EIF4G3: variants seen among roughly 807,000 people sequenced by gnomAD.
EIF4G3 encodes eIF-4-gamma 3.
Under a neutral mutation model 186.4 loss-of-function variants are expected in EIF4G3, and 34 were observed. The ratio of observed to expected loss-of-function variants is 0.18; its 90% CI spans 0.14 to 0.24. The LOEUF (loss-of-function observed/expected upper bound fraction) is 0.24, where lower values mean the gene tolerates loss of function less well. EIF4G3 is among the 10% of genes least tolerant of loss of function. The probability of loss-of-function intolerance (pLI) is 1.00; values close to 1 mark genes in which losing one functional copy is unlikely to be tolerated. For missense variants in EIF4G3, 1,536 were observed against 1,948.5 expected, an observed-to-expected ratio of 0.79 and a Z score of 3.99; for synonymous variants, 673 against 679.5, an observed-to-expected ratio of 0.99 and a Z score of 0.15.
At chr1:21,044,192 A>G (rs2093742887) in intron 4 of EIF4G3, among the ~76,000 whole-genome samples, 1 of 152,188 alleles carries the variant, frequency 6.6e-6, no homozygotes, top group Non-Finnish European at 1.5e-5. Flanking sequence ...GGTTTTTTTA[A>G]GTTGATAATA....
chr1:21,160,414 T>C (rs1194389274), intron 2 of EIF4G3, among the ~76,000 whole-genome samples: 1 of 152,198 alleles, frequency 6.6e-6, no homozygotes, highest in Non-Finnish European at 1.5e-5. Flanking sequence ...CATCAGTTGC[T>C]AAAATTGAGA....
chr1:20,894,928 T>C (rs192697788), intron 17 of EIF4G3, among the ~76,000 whole-genome samples: 1 of 152,302 alleles, frequency 6.6e-6, no homozygotes, highest in Admixed American at 6.5e-5. Flanking sequence ...GAGATACATA[T>C]TATTTGAATC....
chr1:21,074,508 A>G (rs1256631761), intron 3 of EIF4G3, among the ~76,000 whole-genome samples: 2 of 152,192 alleles, frequency 1.3e-5, no homozygotes, highest in Admixed American at 1.3e-4. Flanking sequence ...GTCAGTTATC[A>G]TTCATAAATG....
chr1:21,054,541 C>T (rs1331813144), intron 3 of EIF4G3, among the ~76,000 whole-genome samples: 3 of 151,624 alleles, frequency 2.0e-5, no homozygotes, highest in African/African-American at 4.8e-5. Context: ...TTCAGTGGTG[C>T]GTTAAAAATA....
intron 4 of EIF4G3, among the ~76,000 whole-genome samples, chr1:21,007,538 C>CAAA (rs1471121881): frequency 8.5e-5 from 5 of 58,488 alleles, no homozygotes; most frequent in Non-Finnish European, 1.4e-4. Context: ...AAAAAAAAAA[C>CAAA]ACACTCAAAA....
Position 21,142,879 on chromosome 1 carries a change from T to A in EIF4G3, c.-272+33296A>T, listed in dbSNP as rs2097364207. ...TAAATTAAGCAGCATCCATAAGTAA[T>A]TCTAGTCATTTCCAAAAAATGGAAA... is the stretch of plus-strand genomic sequence containing the variant. On this transcript the variant is annotated intron_variant, in intron 2 of 36. Coordinates refer to ENST00000602326, the MANE Select transcript of EIF4G3 (RefSeq NM_001391906.1). Among the ~76,000 whole-genome samples the A allele has an allele frequency of 3.3e-5, 5 of 152,284 alleles. No individual in the cohort carries two copies. The South Asian group carries it at 8.3e-4, about 25-fold the overall frequency.
chr1:20,810,775 T>C lies in EIF4G3; in HGVS notation c.4707A>G (p.Ala1569=). The change falls in exon 36 of 37, where the codon GCA becomes GCG. Residue 1569 remains alanine, a synonymous_variant. Transcript: ENST00000602326. This position sits in a 1 kb window ranked among gnomAD's most constrained non-coding sequence, Gnocchi z 4.1. ...CAAGTTTTACTATCGATGCTTGTAG[T>C]GCATAAAGTGCTTGCAGTTCCTTCT... ...DTEKELQALY[A]LQASIVKLDQ... is the part of the protein sequence containing the mutation. The C allele has an allele frequency of 3.7e-6, 6 of 1,614,154 alleles. No individual in the cohort carries two copies. Among genetic ancestry groups the C allele is most frequent in the South Asian group, 1.1e-5 (1 of 91,084 alleles).
intron 20 of EIF4G3, among the ~76,000 whole-genome samples, chr1:20,874,213 GGA>G (rs570718884): frequency 2.6e-5 from 4 of 152,250 alleles, no homozygotes; most frequent in Admixed American, 2.6e-4. Context: ...CCTAGTAATG[GGA>G]TTGTTGGGTC....
At chr1:20,999,994 C>A (rs1467824126) in intron 6 of EIF4G3, among the ~76,000 whole-genome samples, 2 of 151,930 alleles carry the variant, frequency 1.3e-5, no homozygotes, top group African/African-American at 4.8e-5. Flanking sequence ...GCATGGCCAA[C>A]ATAACATTGA....
chr1:20,980,588 T>A (rs1384626888), intron 9 of EIF4G3, 140 bp from the exon 10 acceptor site: 1 of 595,404 alleles, frequency 1.7e-6, no homozygotes, highest in Non-Finnish European at 2.8e-6. Flanking sequence ...GTAAAGCGAT[T>A]GGGTCAAACA....
At chr1:21,073,329 A>G (rs2095496475) in intron 3 of EIF4G3, among the ~76,000 whole-genome samples, 1 of 152,146 alleles carries the variant, frequency 6.6e-6, no homozygotes, top group African/African-American at 2.4e-5. Context: ...AGCTATTCAC[A>G]TTTAAATTAA....
intron 7 of EIF4G3, among the ~76,000 whole-genome samples, chr1:20,986,844 G>C (rs2079673954): frequency 6.7e-6 from 1 of 148,812 alleles, no homozygotes; most frequent in Non-Finnish European, 1.5e-5. Context: ...ACAGAAAAGA[G>C]AGCCATGTAC....
chr1:21,150,472 GA>G (rs1409879770), intron 2 of EIF4G3, among the ~76,000 whole-genome samples: 1 of 152,130 alleles, frequency 6.6e-6, no homozygotes, highest in African/African-American at 2.4e-5. Flanking sequence ...ACACTATGGG[GA>G]AAACAATGCT....
At position 20,983,907 on chromosome 1, in the gene EIF4G3, T is replaced by C. The variant is rs542768080; in HGVS notation, c.178-1499A>G. Among the ~76,000 whole-genome samples, 17 of 152,262 alleles carry C rather than the reference T, an allele frequency of 1.1e-4. 1 individual carries two copies. The South Asian group carries it at 3.5e-3, about 32-fold the overall frequency. The stretch of plus-strand genomic sequence containing the variant: ...GAGTAAGAAAAATAGATACGGGCAA[T>C]GTTTTCCAAAAATTTTAACAGTCTG... On this transcript the variant is annotated intron_variant, in intron 7 of 36. Coordinates refer to ENST00000602326, the MANE Select transcript of EIF4G3 (RefSeq NM_001391906.1).
At chr1:21,119,774 G>A (rs1416406098) in intron 2 of EIF4G3, among the ~76,000 whole-genome samples, 1 of 151,936 alleles carries the variant, frequency 6.6e-6, no homozygotes, top group Non-Finnish European at 1.5e-5. Flanking sequence ...TAGGATACAA[G>A]GATGTAAGGT....
At chr1:20,847,248 C>T (rs1379951348) in intron 29 of EIF4G3, among the ~76,000 whole-genome samples, 1 of 152,182 alleles carries the variant, frequency 6.6e-6, no homozygotes, top group Non-Finnish European at 1.5e-5. Context: ...CGAATATGTA[C>T]AACAGCACCC....
Position 21,029,379 on chromosome 1 carries a change from G to A in EIF4G3, c.-67+21487C>T, listed in dbSNP as rs118167781. Among the ~76,000 whole-genome samples, 251 of 152,000 alleles carry A rather than the reference G, an allele frequency of 1.7e-3. 8 individuals are homozygous for A. The East Asian group carries it at 0.045, about 27-fold the overall frequency. ...CAGGTAATGGAATTTCCAAAGCAGA[G>A]CCATCCATCCTGGGAGCAAGAACAG... On this transcript the variant is annotated intron_variant, in intron 4 of 36. Transcript: ENST00000602326.
chr1:21,105,583 ATGAAGAAAACTTTT>A (rs1446525709), intron 2 of EIF4G3, among the ~76,000 whole-genome samples: 1 of 152,258 alleles, frequency 6.6e-6, no homozygotes, highest in Non-Finnish European at 1.5e-5. Context: ...TGAAAATGGT[ATGAAGAAAACTTTT>A]TTAAATGACA....
Position 20,840,867 on chromosome 1 carries a change from G to T in EIF4G3, c.4050C>A (p.Asp1350Glu). The T allele has an allele frequency of 1.2e-6, 2 of 1,614,084 alleles. No homozygotes were observed. The highest frequency in any genetic ancestry group is 1.7e-4 in the Middle Eastern group (1 of 6,056). Residue 1350 changes from aspartate (D) to glutamate (E), a missense_variant, in exon 30 of 37, where the codon GAC becomes GAA. Asp to Glu is a conservative substitution (Grantham distance 45). This residue lies in a region of EIF4G3 where 395 missense variants were observed against 498.9 expected (regional missense o/e 0.79). Transcript: ENST00000602326. ...AAGAGGATACTGACCCTTTGAAAAA[G>T]TCCTGTTTGCTGAGTTTTTCTGACT... ...LVQSEKLSKQ[D>E]FFKGFSETLE...
Sources: allele counts gnomAD v4.1 joint callset (sites outside exome capture counted in the v4.1 genomes callset), GRCh38; gene constraint gnomAD v4.1.1; regional missense constraint gnomAD v4.1.1; non-coding constraint Gnocchi (gnomAD v3.1); transcripts MANE v1.5; gene names NCBI Gene and HGNC (gene_info 2026-07-23, HGNC 2026-07-21).